ATRX: variants seen among roughly 807,000 people sequenced by gnomAD.
The protein encoded by ATRX is ATRX chromatin remodeler.
In ATRX, 12 loss-of-function variants were observed where a neutral mutation model predicts 172.6. That is an observed-to-expected ratio of 0.07 (90% CI 0.04 to 0.11). The LOEUF (loss-of-function observed/expected upper bound fraction) is 0.11, where lower values mean the gene tolerates loss of function less well. ATRX is among the 10% of genes least tolerant of loss of function. The pLI, the probability that ATRX is intolerant of heterozygous loss-of-function variation, is 1.00. For missense variants in ATRX, 1,368 were observed against 1,767.4 expected (o/e 0.77, Z 4.05); for synonymous variants, 674 against 594.7 (o/e 1.13, Z -1.94).
chrX:77,510,333 A>G (rs1348174864), intron 34 of ATRX, among the ~76,000 whole-genome samples: 2 of 108,822 alleles, frequency 1.8e-5, no homozygotes, highest in Non-Finnish European at 3.8e-5. Context: ...ACTCAGAGAC[A>G]TGCTACCTTC....
intron 34 of ATRX, 27 bp downstream of exon 34, chrX:77,520,761 G>C (rs782028424): frequency 1.7e-6 from 2 of 1,199,789 alleles, no homozygotes; most frequent in South Asian, 3.6e-5. Context: ...ACATAACCTA[G>C]AAATAGTCAG....
intron 2 of ATRX, among the ~76,000 whole-genome samples, chrX:77,705,521 G>A (rs886989300): frequency 6.2e-5 from 7 of 112,167 alleles, no homozygotes; most frequent in Non-Finnish European, 1.1e-4. Context: ...CTACAGACAC[G>A]CTGCAATCTC....
At chrX:77,595,021 G>A (rs1478406637) in intron 25 of ATRX, 4 of 111,642 alleles carry the variant, frequency 3.6e-5, no homozygotes, top group African/African-American at 1.3e-4. Flanking sequence ...TAACTGCAAC[G>A]AATGCTCATT....
chrX:77,583,754 T>C (rs1404513540), intron 27 of ATRX, among the ~76,000 whole-genome samples: 2 of 111,734 alleles, frequency 1.8e-5, no homozygotes, highest in African/African-American at 6.5e-5. Context: ...GATGCCCACT[T>C]CTATCACTTA....
chrX:77,675,056 G>C (rs184702827), intron 10 of ATRX: 61 of 112,099 alleles, frequency 5.4e-4, no homozygotes, highest in African/African-American at 1.8e-3. Context: ...CTTTGAAACA[G>C]AGAAACCTAA....
At chrX:77,735,227 C>T (rs1356117940) in intron 1 of ATRX, among the ~76,000 whole-genome samples, 1 of 112,177 alleles carries the variant, frequency 8.9e-6, no homozygotes, top group Non-Finnish European at 1.9e-5. Context: ...TTTGGGAGGC[C>T]GAGACGGCCA....
At chrX:77,784,435 T>C (rs1484938534) in intron 1 of ATRX, among the ~76,000 whole-genome samples, 1 of 112,438 alleles carries the variant, frequency 8.9e-6, no homozygotes, top group Admixed American at 9.5e-5. Flanking sequence ...CTAAAGAAAC[T>C]GAGAAGATCC....
chrX:77,654,289 G>T, intron 13 of ATRX, 89 bp from the exon 14 acceptor site: 1 of 718,733 alleles, frequency 1.4e-6, no homozygotes, highest in Non-Finnish European at 2.1e-6. Context: ...TTCTACCTCT[G>T]TATGCATTCC....
chrX:77,769,328 G>A (rs1467004309), intron 1 of ATRX, among the ~76,000 whole-genome samples: 1 of 107,880 alleles, frequency 9.3e-6, no homozygotes, highest in Non-Finnish European at 1.9e-5. Flanking sequence ...CCCAGGCCAG[G>A]CTGGAGTGCA....
At chrX:77,582,600 G>A (rs1214433702) in intron 27 of ATRX, among the ~76,000 whole-genome samples, 2 of 110,712 alleles carry the variant, frequency 1.8e-5, no homozygotes, top group Admixed American at 1.9e-4. Flanking sequence ...CAAACTTTGA[G>A]ACAGACTAAG....
At chrX:77,622,793 G>A (rs374542857) in intron 19 of ATRX, among the ~76,000 whole-genome samples, 29 of 110,393 alleles carry the variant, frequency 2.6e-4, no homozygotes, top group African/African-American at 8.9e-4. Context: ...TAGGGGGTGC[G>A]GTACACCATG....
intron 19 of ATRX, among the ~76,000 whole-genome samples, chrX:77,623,037 AG>A (rs1248984317): frequency 9.0e-6 from 1 of 111,281 alleles, no homozygotes; most frequent in African/African-American, 3.3e-5. Flanking sequence ...AGCAGAAGAA[AG>A]GAAATAACCA....
At chrX:77,733,020 T>C (rs1164314700) in intron 1 of ATRX, among the ~76,000 whole-genome samples, 1 of 111,889 alleles carries the variant, frequency 8.9e-6, no homozygotes. Context: ...CTACAGACTC[T>C]ACAAAAAAAC....
At chrX:77,608,950 CAA>C (rs2067037200) in intron 22 of ATRX, among the ~76,000 whole-genome samples, 1 of 111,898 alleles carries the variant, frequency 8.9e-6, no homozygotes. Flanking sequence ...AGACATTTCT[CAA>C]AAGAAGACAT....
At chrX:77,547,495 C>T (rs2064290655) in intron 30 of ATRX, among the ~76,000 whole-genome samples, 1 of 111,509 alleles carries the variant, frequency 9.0e-6, no homozygotes, top group Non-Finnish European at 1.9e-5. Flanking sequence ...AAAAATAAGA[C>T]AAAACAGCAC....
At chrX:77,745,444 G>T (rs1055251044) in intron 1 of ATRX, among the ~76,000 whole-genome samples, 4 of 111,372 alleles carry the variant, frequency 3.6e-5, no homozygotes, top group Non-Finnish European at 7.5e-5. Context: ...CAACAACATG[G>T]ATGGAACTGT....
rs1557069188 is a variant in ATRX at position 77,574,303 on chromosome X, A to G, written c.6273T>C (p.Thr2091=). ...CAGCCCACTTCTTCCTTGACTGTGCAGTAGTGGAACCATCTAAACGGTAAT... is the reference window on the plus strand; with the variant it reads ...CAGCCCACTTCTTCCTTGACTGTGCGGTAGTGGAACCATCTAAACGGTAAT... ...IDYYRLDGST[T]AQSRKKWAEE... The change falls in exon 28 of 35, where the codon ACT becomes ACC. Residue 2091 remains threonine (T), a synonymous_variant. Transcript: ENST00000373344. 6 of 1,207,026 alleles carry G rather than the reference A, an allele frequency of 5.0e-6. No individual in the cohort carries two copies. In the Admixed American group the frequency reaches 1.3e-4, roughly 26 times the overall value.
At chrX:77,525,475 GA>G (rs1404609592) in intron 30 of ATRX, among the ~76,000 whole-genome samples, 1 of 111,872 alleles carries the variant, frequency 8.9e-6, no homozygotes, top group Non-Finnish European at 1.9e-5. Context: ...AATACAATGA[GA>G]AAAGTCAGGT....
At chrX:77,696,483 T>C in intron 5 of ATRX, 94 bp downstream of exon 5, 4 of 961,835 alleles carry the variant, frequency 4.2e-6, no homozygotes, top group Non-Finnish European at 5.9e-6. Flanking sequence ...TGGTCGTTTG[T>C]ACATAGTTAA....
Sources: gnomAD v4.1 joint callset for allele counts (sites outside exome capture counted in the v4.1 genomes callset) on GRCh38, gnomAD v4.1.1 for gene constraint, MANE v1.5 for transcripts, NCBI Gene and HGNC (gene_info 2026-07-23, HGNC 2026-07-21) for gene names.